Variants in GPC6 observed in about 807,000 individuals in gnomAD.
The protein encoded by GPC6 is glypican 6.
Under a neutral mutation model 55.2 loss-of-function variants are expected in GPC6, and 14 were observed. The observed-to-expected ratio is 0.25, with a 90% CI of 0.17 to 0.40. The LOEUF (loss-of-function observed/expected upper bound fraction) is 0.40. Among genes scored for constraint, GPC6 ranks in the 10% least tolerant of loss-of-function variants. GPC6 has a pLI of 1.00. For missense variants in GPC6, 641 were observed against 708.5 expected (o/e 0.90, Z 1.08); for synonymous variants, 278 against 259.6 (o/e 1.07, Z -0.68).
chr13:93,400,767 A>C (rs2139231546), intron 1 of GPC6, among the ~76,000 whole-genome samples: 1 of 152,294 alleles, frequency 6.6e-6, no homozygotes, highest in African/African-American at 2.4e-5. Context: ...AGAAAGAAAT[A>C]ATTGCAAAAT....
intron 1 of GPC6, among the ~76,000 whole-genome samples, chr13:93,526,696 T>C (rs16948911): frequency 0.057 from 8,691 of 152,164 alleles, 811 homozygotes; most frequent in African/African-American, 0.2. Context: ...AGATTGAATG[T>C]CATCCCACTC....
intron 1 of GPC6, among the ~76,000 whole-genome samples, chr13:93,300,603 A>C (rs985173633): frequency 2.0e-5 from 3 of 146,450 alleles, no homozygotes; most frequent in Non-Finnish European, 3.0e-5. Flanking sequence ...AGCTGAGATC[A>C]CACCACTGCA....
At chr13:93,898,591 C>A (rs552955500) in intron 3 of GPC6, among the ~76,000 whole-genome samples, 13 of 151,992 alleles carry the variant, frequency 8.6e-5, no homozygotes, top group Non-Finnish European at 1.8e-4. Context: ...CATATCAAAC[C>A]AATTTCCAAA....
At chr13:93,228,667 A>C (rs1012483377) in intron 1 of GPC6, among the ~76,000 whole-genome samples, 10 of 152,118 alleles carry the variant, frequency 6.6e-5, no homozygotes, top group African/African-American at 2.2e-4. Flanking sequence ...GAACTGAGAG[A>C]GGCCGAGGGA....
At chr13:94,252,495 A>G (rs913940052) in intron 4 of GPC6, among the ~76,000 whole-genome samples, 1 of 152,076 alleles carries the variant, frequency 6.6e-6, no homozygotes, top group African/African-American at 2.4e-5. Context: ...CTAAAGCTAA[A>G]CTAATAGGAA....
chr13:93,316,796 TATA>T (rs201386111), intron 1 of GPC6, among the ~76,000 whole-genome samples: 2,360 of 152,204 alleles, frequency 0.016, 59 homozygotes, highest in African/African-American at 0.054. Flanking sequence ...ATCAAAATCT[TATA>T]ATGTTATGAG....
intron 2 of GPC6, among the ~76,000 whole-genome samples, chr13:93,582,167 A>G (rs143133637): frequency 0.014 from 2,153 of 152,350 alleles, 33 homozygotes; most frequent in Admixed American, 0.052. Flanking sequence ...TTAAATAACA[A>G]TATAAGTGAA....
intron 2 of GPC6, among the ~76,000 whole-genome samples, chr13:93,661,345 C>T (rs995964335): frequency 1.3e-5 from 2 of 152,096 alleles, no homozygotes; most frequent in African/African-American, 4.8e-5. Context: ...TTCCAAGTAG[C>T]TGAGAATACA....
At chr13:93,379,636 T>C (rs921983379) in intron 1 of GPC6, among the ~76,000 whole-genome samples, 1 of 152,148 alleles carries the variant, frequency 6.6e-6, no homozygotes, top group Admixed American at 6.5e-5. Context: ...TTCCTTAATA[T>C]GTAGGCTAGG....
chr13:93,419,640 C>CAAATTA (rs2139257327), intron 1 of GPC6, among the ~76,000 whole-genome samples: 1 of 152,212 alleles, frequency 6.6e-6, no homozygotes, highest in Non-Finnish European at 1.5e-5. Context: ...CGGATTGAAT[C>CAAATTA]CAAGCCTGTA....
intron 3 of GPC6, among the ~76,000 whole-genome samples, chr13:94,012,416 C>T (rs2138700640): frequency 6.6e-6 from 1 of 152,258 alleles, no homozygotes; most frequent in East Asian, 1.9e-4. Flanking sequence ...TGATGTGAAT[C>T]CATATGTGTG....
At chr13:94,193,625 G>A (rs1162173028) in intron 4 of GPC6, among the ~76,000 whole-genome samples, 1 of 152,176 alleles carries the variant, frequency 6.6e-6, no homozygotes, top group Admixed American at 6.5e-5. Context: ...AGGGTTCGCA[G>A]TGTCGCTTGG....
At chr13:93,767,881 A>C (rs1185975413) in intron 2 of GPC6, among the ~76,000 whole-genome samples, 1 of 152,218 alleles carries the variant, frequency 6.6e-6, no homozygotes, top group Non-Finnish European at 1.5e-5. Flanking sequence ...GTTGTTAAAC[A>C]AACGTTAACT....
Position 93,831,839 on chromosome 13 carries a change from C to T in GPC6, c.711+1294C>T, listed in dbSNP as rs184962590. Among the ~76,000 whole-genome samples the T allele has an allele frequency of 4.4e-3, 660 of 150,740 alleles. 5 individuals are homozygous for T. The highest frequency in any genetic ancestry group is 0.015 in the African/African-American group (613 of 41,024). On this transcript the variant is annotated intron_variant, in intron 3 of 8. Transcript: ENST00000377047. ...GGCGCGGTGGCTCACATCTGTAATC[C>T]CAGCACTTTGGGAGGTTGAGGCGGG... is the stretch of plus-strand genomic sequence containing the variant.
At chr13:93,877,037 A>G (rs1177847483) in intron 3 of GPC6, among the ~76,000 whole-genome samples, 1 of 152,098 alleles carries the variant, frequency 6.6e-6, no homozygotes, top group Non-Finnish European at 1.5e-5. Flanking sequence ...TATCTTCAAT[A>G]TGACAAATTG....
At chr13:93,881,742 T>A (rs1874987751) in intron 3 of GPC6, among the ~76,000 whole-genome samples, 1 of 152,160 alleles carries the variant, frequency 6.6e-6, no homozygotes, top group African/African-American at 2.4e-5. Context: ...AAACTAAACA[T>A]GAATTCATAC....
intron 1 of GPC6, among the ~76,000 whole-genome samples, chr13:93,421,317 G>A (rs1373306661): frequency 3.3e-5 from 5 of 152,124 alleles, no homozygotes; most frequent in African/African-American, 1.2e-4. Flanking sequence ...AGGCCGTCAT[G>A]TATAAAGCAG....
chr13:94,044,048 T>G (rs1883635626), intron 4 of GPC6, among the ~76,000 whole-genome samples: 2 of 151,730 alleles, frequency 1.3e-5, no homozygotes, highest in South Asian at 4.1e-4. Flanking sequence ...ACTGTAGTTC[T>G]AAGTCTCAAA....
rs752497120 is a variant in GPC6 at position 93,227,447 on chromosome 13, A to G, written c.-10A>G. 8.7e-6 allele frequency: 14 copies of G among 1,613,440 alleles called. No individual in the cohort carries two copies. The highest frequency in any genetic ancestry group is 4.5e-5 in the East Asian group (2 of 44,780). ...GTGGGGTTTACCGAGCTGGATTTGT[A>G]TGTTGCACCATGCCTTCTTGGATCG... is the stretch of plus-strand genomic sequence containing the variant. On this transcript the variant is annotated 5_prime_UTR_variant, in exon 1 of 9. An upstream start codon of the reference 5' UTR is lost. Coordinates refer to ENST00000377047, the MANE Select transcript of GPC6 (RefSeq NM_005708.5). The surrounding 1 kb of genome is among the most constrained non-coding windows in gnomAD (Gnocchi z 4.3).
Sources: gnomAD v4.1 joint callset for allele counts (sites outside exome capture counted in the v4.1 genomes callset) on GRCh38, gnomAD v4.1.1 for gene constraint, Gnocchi (gnomAD v3.1) non-coding constraint, MANE v1.5 for transcripts, NCBI Gene and HGNC (gene_info 2026-07-23, HGNC 2026-07-21) for gene names.